Variants in LIN54 observed in about 807,000 individuals in gnomAD.
LIN54 encodes protein lin-54 homolog.
In LIN54, 9 loss-of-function variants were observed where a neutral mutation model predicts 78.7. The observed-to-expected ratio is 0.11, with a 90% CI of 0.07 to 0.20. LIN54 has a LOEUF of 0.20. Among genes scored for constraint, LIN54 ranks in the 10% least tolerant of loss-of-function variants. LIN54 has a pLI of 1.00. For missense variants in LIN54, 573 were observed against 889.9 expected, an observed-to-expected ratio of 0.64 and a Z score of 4.53; for synonymous variants, 269 against 318.4, an observed-to-expected ratio of 0.84 and a Z score of 1.65.
intron 1 of LIN54, among the ~76,000 whole-genome samples, chr4:82,993,425 T>G (rs1458670797): frequency 6.6e-6 from 1 of 151,228 alleles, no homozygotes; most frequent in African/African-American, 2.4e-5. Flanking sequence ...TCCATGTTGG[T>G]CAAGCTGGTC....
intron 3 of LIN54, among the ~76,000 whole-genome samples, chr4:82,974,697 A>G (rs1726010510): frequency 6.6e-6 from 1 of 152,128 alleles, no homozygotes; most frequent in Non-Finnish European, 1.5e-5. Flanking sequence ...CGATCGCACC[A>G]CTGCATTCCA....
At chr4:82,993,572 C>T (rs1727929863) in intron 1 of LIN54, among the ~76,000 whole-genome samples, 1 of 151,848 alleles carries the variant, frequency 6.6e-6, no homozygotes, top group Non-Finnish European at 1.5e-5. Context: ...AAATGATGCC[C>T]ATGGTCTTTA....
chr4:82,931,670 AGTGT>A (rs1278643254), intron 11 of LIN54, among the ~76,000 whole-genome samples: 1 of 152,160 alleles, frequency 6.6e-6, no homozygotes, highest in Non-Finnish European at 1.5e-5. Flanking sequence ...ATATGAAACT[AGTGT>A]GTATTTTACA....
intron 4 of LIN54, among the ~76,000 whole-genome samples, chr4:82,947,235 A>ATATTTTTTT: frequency 0.016 from 709 of 44,308 alleles, 79 homozygotes; most frequent in Non-Finnish European, 0.019. Flanking sequence ...ATATATATAT[A>ATATTTTTTT]TTTTTTTTTT....
chr4:82,934,191 G>T (rs1326508103), intron 11 of LIN54, among the ~76,000 whole-genome samples: 3 of 152,174 alleles, frequency 2.0e-5, no homozygotes, highest in Non-Finnish European at 4.4e-5. Flanking sequence ...CGGATCACTT[G>T]AGTTTGAGAG....
intron 1 of LIN54, among the ~76,000 whole-genome samples, chr4:82,998,398 C>A (rs974882994): frequency 2.0e-5 from 3 of 151,960 alleles, no homozygotes; most frequent in Admixed American, 6.6e-5. Context: ...CAAAAATTAG[C>A]CGGGCATGGT....
At chr4:82,963,182 A>G (rs972382441) in intron 4 of LIN54, among the ~76,000 whole-genome samples, 9 of 152,174 alleles carry the variant, frequency 5.9e-5, no homozygotes, top group African/African-American at 2.2e-4. Context: ...AATGCAATCC[A>G]GAAGGCAATA....
At chr4:82,987,405 A>C (rs1727252761) in intron 1 of LIN54, among the ~76,000 whole-genome samples, 1 of 152,156 alleles carries the variant, frequency 6.6e-6, no homozygotes, top group Non-Finnish European at 1.5e-5. Context: ...CTTTTCTAAG[A>C]AAAAAACAAA....
intron 3 of LIN54, among the ~76,000 whole-genome samples, chr4:82,972,709 A>G (rs1725762756): frequency 2.0e-5 from 3 of 152,198 alleles, no homozygotes; most frequent in African/African-American, 7.2e-5. Flanking sequence ...AGAGCTGGAC[A>G]CAGTGGCTCA....
At chr4:82,990,546 C>T (rs1727591208) in intron 1 of LIN54, among the ~76,000 whole-genome samples, 1 of 151,844 alleles carries the variant, frequency 6.6e-6, no homozygotes, top group African/African-American at 2.4e-5. Context: ...TGCAGTGGCG[C>T]GATCTCGGCT....
At chr4:82,955,154 T>C (rs556085223) in intron 4 of LIN54, among the ~76,000 whole-genome samples, 2 of 152,114 alleles carry the variant, frequency 1.3e-5, no homozygotes, top group South Asian at 2.1e-4. Context: ...GGCGGATCAC[T>C]TGAGGTCAGG....
At chr4:82,957,828 G>T (rs1724453781) in intron 4 of LIN54, among the ~76,000 whole-genome samples, 2 of 152,110 alleles carry the variant, frequency 1.3e-5, no homozygotes. Flanking sequence ...AAACTTTAGG[G>T]TCTGTGTATC....
At chr4:82,935,289 ATATATATT>A (rs1722312685) in intron 11 of LIN54, among the ~76,000 whole-genome samples, 1 of 147,806 alleles carries the variant, frequency 6.8e-6, no homozygotes, top group African/African-American at 2.5e-5. Flanking sequence ...TATATTTATA[ATATATATT>A]TATATATTTG....
At chr4:82,967,331 A>G (rs1485231877) in intron 4 of LIN54, among the ~76,000 whole-genome samples, 1 of 152,230 alleles carries the variant, frequency 6.6e-6, no homozygotes, top group Non-Finnish European at 1.5e-5. Flanking sequence ...AACCTGACAG[A>G]TATCCTCAAG....
rs1330028185 is a variant in LIN54 at position 82,927,670 on chromosome 4, T to A, written c.*432A>T. 6.5e-6 allele frequency: 1 copy of A among 154,910 alleles called. No homozygotes were observed. The highest frequency in any genetic ancestry group is 1.9e-4 in the East Asian group (1 of 5,286). 9.6% of individuals were successfully genotyped at this position (154,910 alleles called of 1,614,324 possible). ...TCATTTGAATGTGTTTCATAAGAAT[T>A]TGTTTATGTAACATTCTGTCTGCAG... On this transcript the variant is annotated 3_prime_UTR_variant, in exon 13 of 13. Coordinates refer to ENST00000340417, the MANE Select transcript of LIN54 (RefSeq NM_194282.4).
At chr4:83,011,355 A>T (rs11735311), upstream of LIN54, among the ~76,000 whole-genome samples, 27,913 of 152,086 alleles carry the variant, frequency 0.18, 2,729 homozygotes, top group South Asian at 0.32. Context: ...TATCTAATTT[A>T]AAAAAATAAA....
chr4:82,983,548 G>A (rs140460124), intron 2 of LIN54, among the ~76,000 whole-genome samples: 57 of 152,178 alleles, frequency 3.7e-4, no homozygotes, highest in African/African-American at 1.2e-3. Flanking sequence ...AGTAACCTAC[G>A]AAAGTTTTCC....
intron 9 of LIN54, among the ~76,000 whole-genome samples, chr4:82,936,682 A>C (rs200184022): frequency 7.4e-6 from 1 of 135,020 alleles, no homozygotes; most frequent in Non-Finnish European, 1.6e-5. Context: ...ACACATATAA[A>C]TTTTATGTGC....
intron 4 of LIN54, among the ~76,000 whole-genome samples, chr4:82,951,079 C>T (rs1213826090): frequency 1.3e-5 from 2 of 152,078 alleles, no homozygotes; most frequent in South Asian, 2.1e-4. Flanking sequence ...GCTATGATTA[C>T]GTTACCCTGA....
Sources: gnomAD v4.1 joint callset for allele counts (sites outside exome capture counted in the v4.1 genomes callset) on GRCh38, gnomAD v4.1.1 for gene constraint, MANE v1.5 for transcripts, NCBI Gene and HGNC (gene_info 2026-07-23, HGNC 2026-07-21) for gene names.